CDH8: variants seen among roughly 807,000 people sequenced by gnomAD.
CDH8 encodes cadherin-8.
Under a neutral mutation model 68.1 loss-of-function variants are expected in CDH8, and 17 were observed. That is an observed-to-expected ratio of 0.25 (90% confidence interval 0.17 to 0.37). The LOEUF (loss-of-function observed/expected upper bound fraction) is 0.37. Ranked by LOEUF, CDH8 falls within the 10% of genes least tolerant of loss-of-function variation. The probability of loss-of-function intolerance (pLI) is 1.00; values close to 1 mark genes in which losing one functional copy is unlikely to be tolerated. For synonymous variants in CDH8, 372 were observed against 365.1 expected, an observed-to-expected ratio of 1.02 and a Z score of -0.21; for missense variants, 763 against 999.3, an observed-to-expected ratio of 0.76 and a Z score of 3.19.
intron 2 of CDH8, among the ~76,000 whole-genome samples, chr16:61,919,500 G>A (rs1174422698): frequency 2.7e-5 from 4 of 147,416 alleles, no homozygotes; most frequent in Admixed American, 6.9e-5. Flanking sequence ...ACCAAGGCTC[G>A]AGAACTACAT....
At chr16:61,665,293 T>C (rs1242232511) in intron 10 of CDH8, among the ~76,000 whole-genome samples, 2 of 151,854 alleles carry the variant, frequency 1.3e-5, no homozygotes, top group South Asian at 4.2e-4. Flanking sequence ...CATGAAAAAT[T>C]AAAAAGTCTA....
chr16:62,015,437 G>T (rs943549757), intron 2 of CDH8, among the ~76,000 whole-genome samples: 8 of 151,944 alleles, frequency 5.3e-5, no homozygotes, highest in Non-Finnish European at 1.2e-4. Context: ...GTTCCATAGG[G>T]GTTTGTATCT....
chr16:62,034,530 CG>C (rs1902405850), intron 1 of CDH8, among the ~76,000 whole-genome samples: 1 of 152,140 alleles, frequency 6.6e-6, no homozygotes, highest in African/African-American at 2.4e-5. Context: ...CCCCATCCCT[CG>C]GATCTGCTTT....
At chr16:61,664,764 T>C (rs1390263533) in intron 10 of CDH8, among the ~76,000 whole-genome samples, 1 of 151,916 alleles carries the variant, frequency 6.6e-6, no homozygotes, top group Non-Finnish European at 1.5e-5. Context: ...GTTAAAGAGG[T>C]GCATACCAGA....
intron 2 of CDH8, among the ~76,000 whole-genome samples, chr16:61,923,772 AT>A (rs1353316837): frequency 6.8e-6 from 1 of 147,614 alleles, no homozygotes; most frequent in Non-Finnish European, 1.5e-5. Context: ...ATATATATAA[AT>A]ATATGTGATG....
At chr16:61,888,558 C>G (rs958472794) in intron 3 of CDH8, among the ~76,000 whole-genome samples, 29 of 152,122 alleles carry the variant, frequency 1.9e-4, no homozygotes, top group Non-Finnish European at 5.9e-5. Flanking sequence ...GAGTAAACTA[C>G]TTTATGATCA....
At chr16:61,844,592 C>A (rs1962765173) in intron 4 of CDH8, among the ~76,000 whole-genome samples, 1 of 152,086 alleles carries the variant, frequency 6.6e-6, no homozygotes, top group Non-Finnish European at 1.5e-5. Context: ...TAAGGCAATT[C>A]CCATTTTTAA....
At chr16:61,932,770 A>T (rs1332918012) in intron 2 of CDH8, among the ~76,000 whole-genome samples, 1 of 152,248 alleles carries the variant, frequency 6.6e-6, no homozygotes, top group African/African-American at 2.4e-5. Context: ...AATAAAAAAT[A>T]ACCAGTTGCA....
chr16:61,787,021 T>C (rs1429841370), intron 8 of CDH8, among the ~76,000 whole-genome samples: 1 of 133,308 alleles, frequency 7.5e-6, no homozygotes, highest in African/African-American at 3.0e-5. Context: ...ATTCAGGACA[T>C]AGGCATGGGC....
intron 2 of CDH8, among the ~76,000 whole-genome samples, chr16:61,917,631 T>A (rs1302406651): frequency 6.6e-6 from 1 of 152,144 alleles, no homozygotes; most frequent in South Asian, 2.1e-4. Flanking sequence ...AAGTAACAAA[T>A]CCACATGTTG....
chr16:61,824,975 T>C (rs1461845154), intron 5 of CDH8, 37 bp downstream of exon 5: 1 of 1,527,512 alleles, frequency 6.5e-7, no homozygotes, highest in African/African-American at 1.4e-5. Context: ...GGAAACATCA[T>C]ACCAAGATTC....
At position 61,713,957 on chromosome 16, in the gene CDH8, A is replaced by G; in HGVS notation, c.1538T>C (p.Val513Ala). The G allele has an allele frequency of 6.4e-7, 1 of 1,567,362 alleles. No homozygotes were observed. Among genetic ancestry groups the G allele is most frequent in the Non-Finnish European group, 8.8e-7 (1 of 1,138,314 alleles). ...GTCCATGGCGCTAACAGTTTGAATG[A>G]CCTGAAACATAAAACTTGACGTCAG... ...FLCENGKPGQVIQTVSAMDKD... is the reference protein window; with the variant it reads ...FLCENGKPGQAIQTVSAMDKD... Residue 513 changes from valine to alanine, a missense_variant and splice_region_variant, in exon 10 of 12, where the codon GTC becomes GCC. Val to Ala is a moderately conservative substitution (Grantham distance 64). Transcript: ENST00000577390.
chr16:61,726,709 T>A (rs949830052), intron 9 of CDH8: 5 of 291,354 alleles, frequency 1.7e-5, no homozygotes, highest in African/African-American at 1.1e-4. Flanking sequence ...TATTTGGTAT[T>A]CATATGTTTG....
At chr16:61,722,475 T>C (rs1042592956) in intron 9 of CDH8, among the ~76,000 whole-genome samples, 4 of 150,828 alleles carry the variant, frequency 2.7e-5, no homozygotes, top group Non-Finnish European at 6.0e-5. Context: ...AAAAATAATT[T>C]TTGACCCTTT....
chr16:61,951,420 G>A (rs888245603), intron 2 of CDH8, among the ~76,000 whole-genome samples: 2 of 151,336 alleles, frequency 1.3e-5, no homozygotes, highest in African/African-American at 4.9e-5. Context: ...GGCTGAGGCA[G>A]GAGAATGGCA....
chr16:61,647,509 C>T lies in CDH8; in HGVS notation c.*6099G>A, dbSNP rs1174151954. On this transcript the variant is annotated 3_prime_UTR_variant, in exon 12 of 12. Transcript: ENST00000577390. ...CAGTGACTCCTAAATTGTCATGTTCCATCTTAGAGCATAATTGTTAAAATC... is the reference window on the plus strand; with the variant it reads ...CAGTGACTCCTAAATTGTCATGTTCTATCTTAGAGCATAATTGTTAAAATC... The T allele has an allele frequency of 3.5e-5, 11 of 311,754 alleles. No individual in the cohort carries two copies. The highest frequency in any genetic ancestry group is 9.3e-4 in the Middle Eastern group (1 of 1,080). The allele number at this position is 311,754 out of a possible 1,614,324, so 19.3% of individuals were successfully genotyped here.
intron 2 of CDH8, among the ~76,000 whole-genome samples, chr16:61,997,249 A>ATTAT (rs1965820553): frequency 6.6e-6 from 1 of 152,158 alleles, no homozygotes. Flanking sequence ...ACTGTTTGAA[A>ATTAT]TAAAATAAAG....
intron 8 of CDH8, among the ~76,000 whole-genome samples, chr16:61,749,867 T>A (rs1165939157): frequency 6.6e-6 from 1 of 152,102 alleles, no homozygotes; most frequent in Non-Finnish European, 1.5e-5. Flanking sequence ...TTAAAGGAAC[T>A]TTGTACTTTA....
At chr16:61,784,243 T>C (rs1473940871) in intron 8 of CDH8, among the ~76,000 whole-genome samples, 1 of 151,774 alleles carries the variant, frequency 6.6e-6, no homozygotes, top group Admixed American at 6.6e-5. Flanking sequence ...TGGAGGAAGA[T>C]CTACCAAGCA....
Sources: gnomAD v4.1 joint callset for allele counts (sites outside exome capture counted in the v4.1 genomes callset) on GRCh38, gnomAD v4.1.1 for gene constraint, MANE v1.5 for transcripts, NCBI Gene and HGNC (gene_info 2026-07-23, HGNC 2026-07-21) for gene names.